The following LRP1B variants were observed in gnomAD, a reference collection of about 807,000 sequenced individuals.
LRP1B encodes low-density lipoprotein receptor-related protein 1B.
LRP1B carries 217 observed loss-of-function variants against 556.6 expected under a neutral mutation model. The ratio of observed to expected loss-of-function variants is 0.39; its 90% CI spans 0.35 to 0.44. The LOEUF is 0.44. LRP1B is among the 20% of genes least tolerant of loss of function. The pLI is 1.00. For missense variants in LRP1B, 5,053 were observed against 5,620.8 expected (o/e 0.90, Z 3.23); for synonymous variants, 2,047 against 1,865.8 (o/e 1.10, Z -2.50).
At chr2:140,648,437 TA>T (rs928516219) in intron 41 of LRP1B, among the ~76,000 whole-genome samples, 111 of 150,094 alleles carry the variant, frequency 7.4e-4, no homozygotes, top group African/African-American at 2.5e-3. Flanking sequence ...TAAAGTATAA[TA>T]AAAAAAAATT....
intron 6 of LRP1B, among the ~76,000 whole-genome samples, chr2:141,203,664 C>T (rs1682141918): frequency 6.6e-6 from 1 of 152,176 alleles, no homozygotes; most frequent in African/African-American, 2.4e-5. Flanking sequence ...TTGAACTCAG[C>T]TCTGGACCAA....
chr2:141,811,877 AAAG>A (rs869055275), intron 1 of LRP1B, among the ~76,000 whole-genome samples: 9 of 152,210 alleles, frequency 5.9e-5, no homozygotes, highest in Admixed American at 2.0e-4. Flanking sequence ...AAAAATGGTA[AAAG>A]AAGAAACCAC....
chr2:141,924,270 G>A (rs1700276460), intron 1 of LRP1B, among the ~76,000 whole-genome samples: 1 of 151,944 alleles, frequency 6.6e-6, no homozygotes, highest in South Asian at 2.1e-4. Flanking sequence ...GAGTACAGCT[G>A]GGAGTGGTCA....
At chr2:141,886,100 C>T (rs1347514920) in intron 1 of LRP1B, among the ~76,000 whole-genome samples, 9 of 152,132 alleles carry the variant, frequency 5.9e-5, no homozygotes, top group Non-Finnish European at 1.3e-4. Flanking sequence ...GTGAGGACAT[C>T]AGGCCAGATA....
Position 140,938,454 on chromosome 2 carries a change from T to C in LRP1B, c.3136+11781A>G, listed in dbSNP as rs960666652. ...TTTGTGAAATTTCATTACAGTGATCTGTAGTAAGTAGAAATGCCTTTCTTT... is the reference window on the plus strand; with the variant it reads ...TTTGTGAAATTTCATTACAGTGATCCGTAGTAAGTAGAAATGCCTTTCTTT... On this transcript the variant is annotated intron_variant, in intron 20 of 90. Transcript: ENST00000389484. Among the ~76,000 whole-genome samples, 5 of 152,212 alleles carry C rather than the reference T, an allele frequency of 3.3e-5. No individual in the cohort carries two copies. In the East Asian group the frequency reaches 9.7e-4, roughly 29 times the overall value.
intron 2 of LRP1B, among the ~76,000 whole-genome samples, chr2:141,574,634 A>G (rs2105268706): frequency 6.6e-6 from 1 of 152,210 alleles, no homozygotes; most frequent in South Asian, 2.1e-4. Context: ...AGAAATAAAG[A>G]TTATTCACAC....
chr2:141,393,408 A>G (rs1421846011), intron 3 of LRP1B, among the ~76,000 whole-genome samples: 1 of 152,184 alleles, frequency 6.6e-6, no homozygotes, highest in Non-Finnish European at 1.5e-5. Flanking sequence ...CCCCTGCTTA[A>G]AACTTATTCT....
At chr2:140,427,340 C>T (rs185403474) in intron 66 of LRP1B, among the ~76,000 whole-genome samples, 4 of 152,278 alleles carry the variant, frequency 2.6e-5, no homozygotes, top group African/African-American at 7.2e-5. Context: ...TCCCCACCCC[C>T]CTTCTCCGTG....
intron 41 of LRP1B, among the ~76,000 whole-genome samples, chr2:140,657,648 T>A (rs1559036750): frequency 6.8e-6 from 1 of 148,060 alleles, no homozygotes; most frequent in Non-Finnish European, 1.5e-5. Flanking sequence ...TACATACATA[T>A]ATACATACAT....
intron 1 of LRP1B, among the ~76,000 whole-genome samples, chr2:141,901,066 T>C (rs1010913679): frequency 1.3e-5 from 2 of 152,036 alleles, no homozygotes; most frequent in Admixed American, 1.3e-4. Flanking sequence ...ACGGTTCTTC[T>C]TAAAACACAT....
intron 2 of LRP1B, among the ~76,000 whole-genome samples, chr2:141,518,353 G>A (rs1476997979): frequency 6.6e-6 from 1 of 151,864 alleles, no homozygotes; most frequent in East Asian, 1.9e-4. Context: ...AGTAAAAATG[G>A]TTAATAAATT....
At chr2:141,644,765 A>C (rs988012509) in intron 2 of LRP1B, among the ~76,000 whole-genome samples, 6 of 146,448 alleles carry the variant, frequency 4.1e-5, no homozygotes, top group African/African-American at 1.6e-4. Flanking sequence ...ACACACACGC[A>C]TACACATGCA....
At chr2:140,386,837 C>A (rs1400129113) in intron 66 of LRP1B, among the ~76,000 whole-genome samples, 1 of 152,086 alleles carries the variant, frequency 6.6e-6, no homozygotes, top group Non-Finnish European at 1.5e-5. Context: ...AAATTTAAAT[C>A]ATATGTATTT....
intron 8 of LRP1B, among the ~76,000 whole-genome samples, chr2:141,061,175 T>A (rs1451363959): frequency 1.3e-5 from 2 of 151,540 alleles, no homozygotes; most frequent in Non-Finnish European, 3.0e-5. Flanking sequence ...ATTGAACAGG[T>A]TCCCCCACTC....
At chr2:141,215,604 G>C (rs1682768615) in intron 6 of LRP1B, among the ~76,000 whole-genome samples, 1 of 152,154 alleles carries the variant, frequency 6.6e-6, no homozygotes, top group Admixed American at 6.5e-5. Flanking sequence ...AAGCTGAGGA[G>C]GTCTCAGATT....
At chr2:140,263,040 C>T (rs1682019800) in intron 86 of LRP1B, among the ~76,000 whole-genome samples, 1 of 152,118 alleles carries the variant, frequency 6.6e-6, no homozygotes, top group African/African-American at 2.4e-5. Context: ...CCTCCCAGGT[C>T]AGTCTCCCAA....
chr2:140,913,756 C>T (rs1694492834), intron 21 of LRP1B, among the ~76,000 whole-genome samples: 1 of 151,874 alleles, frequency 6.6e-6, no homozygotes, highest in Admixed American at 6.6e-5. Flanking sequence ...TTATTTTATG[C>T]TAAGCATTAC....
intron 3 of LRP1B, among the ~76,000 whole-genome samples, chr2:141,306,884 G>A (rs1686611430): frequency 6.6e-6 from 1 of 152,038 alleles, no homozygotes; most frequent in Admixed American, 6.6e-5. Context: ...TCAGAAGCAT[G>A]TTGTTTAATT....
chr2:141,000,489 C>T (rs1334601557), intron 15 of LRP1B, among the ~76,000 whole-genome samples: 1 of 152,040 alleles, frequency 6.6e-6, no homozygotes, highest in African/African-American at 2.4e-5. Context: ...TATAGGAGGG[C>T]TTTAGATGTG....
Sources: allele counts gnomAD v4.1 joint callset (sites outside exome capture counted in the v4.1 genomes callset), GRCh38; gene constraint gnomAD v4.1.1; transcripts MANE v1.5; gene names NCBI Gene and HGNC (gene_info 2026-07-23, HGNC 2026-07-21).